The following PTPRH variants were observed in gnomAD, a reference collection of about 807,000 sequenced individuals.
PTPRH encodes the protein receptor-type tyrosine-protein phosphatase H.
A neutral mutation model predicts 130.2 loss-of-function variants in PTPRH; 113 were observed. The ratio of observed to expected loss-of-function variants is 0.87; its 90% CI spans 0.75 to 1.01. PTPRH has a LOEUF of 1.01. Among genes scored for constraint, PTPRH ranks in the 50% least tolerant of loss-of-function variants. PTPRH has a pLI of 0.00. For synonymous variants in PTPRH, 556 were observed against 577.9 expected (o/e 0.96, Z 0.54); for missense variants, 1,430 against 1,425.0 (o/e 1.00, Z -0.06).
chr19:55,198,586 C>T (rs1057292634), intron 8 of PTPRH, 57 bp downstream of exon 8: 3 of 1,486,160 alleles, frequency 2.0e-6, no homozygotes, highest in Non-Finnish European at 1.8e-6. Context: ...AAAGTCCTTT[C>T]ATCTTTTTCC....
chr19:55,187,700 C>T, intron 13 of PTPRH, 97 bp from the exon 14 acceptor site: 1 of 860,220 alleles, frequency 1.2e-6, no homozygotes, highest in Non-Finnish European at 2.0e-6. Context: ...GGCATCACCC[C>T]TTGTTTATTC....
At chr19:55,197,528 T>C in intron 8 of PTPRH, 112 bp from the exon 9 acceptor site, 1 of 1,041,134 alleles carries the variant, frequency 9.6e-7, no homozygotes, top group Non-Finnish European at 1.4e-6. Flanking sequence ...ATGGCTCCAG[T>C]GGCTAAGGAG....
rs771761724 is a variant in PTPRH, at chr19:55,200,444, T to C, written c.1212A>G (p.Leu404=). 4.3e-6 allele frequency: 7 copies of C among 1,614,102 alleles called. No homozygotes were observed. The highest frequency in any genetic ancestry group is 2.2e-5 in the South Asian group (2 of 91,074). ...ATGGGCCATCGGGGACTTCCCAGCA[T>C]AGGGCGATGGAGCTGTTGGTCTGAG... is the stretch of plus-strand genomic sequence containing the variant. ...METQTNSSIA[L]CWEVPDGPYP... Residue 404 remains leucine, a synonymous_variant, in exon 7 of 20, where the codon CTA becomes CTG. Transcript: ENST00000376350.
chr19:55,189,441 C>T (rs193217390), intron 12 of PTPRH, among the ~76,000 whole-genome samples: 1 of 152,354 alleles, frequency 6.6e-6, no homozygotes, highest in East Asian at 1.9e-4. Context: ...CCTGCTGTGG[C>T]CCCACTGACG....
At chr19:55,201,980 A>G in intron 6 of PTPRH, 76 bp downstream of exon 6, 1 of 1,575,192 alleles carries the variant, frequency 6.3e-7, no homozygotes, top group Non-Finnish European at 8.6e-7. Context: ...ACTATGGAAT[A>G]GACAATCGTC....
At position 55,204,060 on chromosome 19, in the gene PTPRH, G is replaced by A. The variant is rs373909066; in HGVS notation, c.620-12C>T. On this transcript the variant is annotated splice_polypyrimidine_tract_variant and intron_variant, in intron 4 of 19. Transcript: ENST00000376350. ...CACTGGGTTGTGAGCTGAGAAATTAGGAAGAAAGATCTAATATGAGCAGGA... is the reference window on the plus strand; with the variant it reads ...CACTGGGTTGTGAGCTGAGAAATTAAGAAGAAAGATCTAATATGAGCAGGA... 1.1e-4 allele frequency: 170 copies of A among 1,605,342 alleles called. No individual in the cohort carries two copies. In the Admixed American group the frequency reaches 1.2e-3, roughly 11 times the overall value.
chr19:55,185,060 C>A (rs1333842862), intron 18 of PTPRH, among the ~76,000 whole-genome samples: 2 of 151,396 alleles, frequency 1.3e-5, no homozygotes, highest in African/African-American at 4.9e-5. Flanking sequence ...AGTGGTGCGA[C>A]CTCAGCTCAC....
rs772132994 is a variant in PTPRH at position 55,197,117 on chromosome 19, A to G, written c.1990T>C (p.Tyr664His). 3.4e-5 allele frequency: 55 copies of G among 1,613,400 alleles called. No individual in the cohort carries two copies. In the East Asian group the frequency reaches 1.1e-3, roughly 33 times the overall value. Residue 664 changes from tyrosine (Y) to histidine (H), a missense_variant and splice_region_variant, in exon 9 of 20, where the codon TAC becomes CAC. Coordinates refer to ENST00000376350, the MANE Select transcript of PTPRH (RefSeq NM_002842.5). ...TTGAAGGCAGGAAGGGGATTCTCAC[A>G]TGTGGACGCACAGAGGCTCTGCGTG... ...SSTQSLCASTYPDTVTITSCV... is the reference protein window; with the variant it reads ...SSTQSLCASTHPDTVTITSCV...
chr19:55,181,431 T>C lies in PTPRH; in HGVS notation c.*323A>G, dbSNP rs2086168266. On this transcript the variant is annotated 3_prime_UTR_variant, in exon 20 of 20. Transcript: ENST00000376350. ...CCTTTGGTCCTCAAGTAGCCAGAACTCCAGACCCAAATTCCTTCCTGCCTC... is the reference window on the plus strand; with the variant it reads ...CCTTTGGTCCTCAAGTAGCCAGAACCCCAGACCCAAATTCCTTCCTGCCTC... 1 of 286,786 alleles carries C rather than the reference T, an allele frequency of 3.5e-6. No homozygotes were observed. Among genetic ancestry groups the C allele is most frequent in the Non-Finnish European group, 6.6e-6 (1 of 151,678 alleles). The allele number at this position is 286,786 out of a possible 1,614,324, so 17.8% of individuals were successfully genotyped here. A position where few individuals can be genotyped will look rare whatever the true frequency, so the allele number is the denominator to read the frequency against.
At chr19:55,198,500 G>C in intron 8 of PTPRH, 143 bp downstream of exon 8, 1 of 825,912 alleles carries the variant, frequency 1.2e-6, no homozygotes, top group Non-Finnish European at 1.7e-6. Context: ...CACTAGGAAC[G>C]GGACCTACAG....
intron 12 of PTPRH, among the ~76,000 whole-genome samples, chr19:55,188,406 G>A (rs571075028): frequency 6.4e-4 from 97 of 152,236 alleles, no homozygotes; most frequent in Admixed American, 1.8e-3. Flanking sequence ...CCAACTACTC[G>A]GGAGGCTGAG....
At chr19:55,207,622 C>T (rs1458848478) in intron 1 of PTPRH, among the ~76,000 whole-genome samples, 14 of 101,164 alleles carry the variant, frequency 1.4e-4, no homozygotes, top group African/African-American at 5.4e-4. Flanking sequence ...CTGGGGGTCT[C>T]GACCTCTGGT....
intron 14 of PTPRH, among the ~76,000 whole-genome samples, chr19:55,187,162 G>T (rs571286549): frequency 6.6e-6 from 1 of 150,508 alleles, no homozygotes; most frequent in Non-Finnish European, 1.5e-5. Context: ...TGGCTAACAC[G>T]GTGAAACCCT....
chr19:55,203,813 A>C lies in PTPRH; in HGVS notation c.855T>G (p.Asn285Lys). Residue 285 changes from asparagine (N) to lysine (K), a missense_variant, in exon 5 of 20, where the codon AAT becomes AAG. Coordinates refer to ENST00000376350, the MANE Select transcript of PTPRH (RefSeq NM_002842.5). ...CSVWVEKDGV[N>K]SSVEIVTSAT... is the part of the protein sequence containing the mutation. ...CACTAGTGACAATCTCCACAGAGCTATTTACTCCGTCTTTCTCCACCCACA... is the reference window on the plus strand; with the variant it reads ...CACTAGTGACAATCTCCACAGAGCTCTTTACTCCGTCTTTCTCCACCCACA... The C allele has an allele frequency of 6.2e-7, 1 of 1,613,036 alleles. No individual in the cohort carries two copies. Among genetic ancestry groups the C allele is most frequent in the Non-Finnish European group, 8.5e-7 (1 of 1,179,092 alleles).
In PTPRH at chr19:55,196,696, C is replaced by T; in HGVS notation, c.2083G>A (p.Ala695Thr). ...TGTCCTCCCACCTCCAACTCAAAGG[C>T]CTCGTAGCCTCCCTGGGGGCAGGAC... ...IWSCPQGGYE[A>T]FELEVGGQRG... The change falls in exon 10 of 20, where the codon GCC (alanine) becomes ACC (threonine). Residue 695 changes from alanine to threonine, a missense_variant. Transcript: ENST00000376350. 1.2e-6 allele frequency: 2 copies of T among 1,614,138 alleles called. No homozygotes were observed. The highest frequency in any genetic ancestry group is 2.2e-5 in the East Asian group (1 of 44,862).
Position 55,196,725 on chromosome 19 carries a change from A to T in PTPRH, c.2054T>A (p.Ile685Asn). The change falls in exon 10 of 20, where the codon ATC (isoleucine) becomes AAC (asparagine). Residue 685 changes from isoleucine to asparagine, a missense_variant. By Grantham distance (149) the Ile-to-Asn change is moderately radical (BLOSUM62 -3). Transcript: ENST00000376350. Reference protein sequence around the residue: ...STSAGYGVNLIWSCPQGGYEA... With the variant: ...STSAGYGVNLNWSCPQGGYEA... Reference sequence around the variant, plus strand: ...GTAGCCTCCCTGGGGGCAGGACCAGATCAAGTTGACTCCATAGCCCGCTGA... The same window carrying T: ...GTAGCCTCCCTGGGGGCAGGACCAGTTCAAGTTGACTCCATAGCCCGCTGA... 5 of 1,614,104 alleles carry T rather than the reference A, an allele frequency of 3.1e-6. No homozygotes were observed. The highest frequency in any genetic ancestry group is 4.2e-6 in the Non-Finnish European group (5 of 1,180,018).
In PTPRH at chr19:55,206,855, G is replaced by GT. The variant is rs2087079236; in HGVS notation, c.185dup (p.Asn62LysfsTer47). On this transcript the variant is annotated frameshift_variant, in exon 3 of 20. Coordinates refer to ENST00000376350, the MANE Select transcript of PTPRH (RefSeq NM_002842.5). LOFTEE classifies it high-confidence loss of function. ...CGTCTCCAGTACACTGAACCCAGTAGTTGGAGTTCTGTGAGTCTAGGCCAT... is the reference window on the plus strand; with the variant it reads ...CGTCTCCAGTACACTGAACCCAGTAGTTTGGAGTTCTGTGAGTCTAGGCCAT... 2 of 1,614,074 alleles carry GT rather than the reference G, an allele frequency of 1.2e-6. No homozygotes were observed.
Position 55,196,721 on chromosome 19 carries a change from CCAG to C in PTPRH, c.2055_2057del (p.Ile685_Trp686delinsMet), listed in dbSNP as rs764682074. On this transcript the variant is annotated inframe_deletion, in exon 10 of 20. Transcript: ENST00000376350. ...CCTCGTAGCCTCCCTGGGGGCAGGA[CCAG>C]ATCAAGTTGACTCCATAGCCCGCTG... is the stretch of plus-strand genomic sequence containing the variant. The C allele has an allele frequency of 2.5e-6, 4 of 1,613,978 alleles. No homozygotes were observed. The highest frequency in any genetic ancestry group is 2.5e-6 in the Non-Finnish European group (3 of 1,180,034).
Position 55,185,854 on chromosome 19 carries a change from AC to A in PTPRH, c.2901+7del. 1 of 1,614,130 alleles carries A rather than the reference AC, an allele frequency of 6.2e-7. No homozygotes were observed. ...GCTGAGGGCCAGGACGGGGCTGGACACACGCACCTGGAGGAGCAGCAGTTCC... is the reference window on the plus strand; with the variant it reads ...GCTGAGGGCCAGGACGGGGCTGGACAACGCACCTGGAGGAGCAGCAGTTCC... On this transcript the variant is annotated splice_region_variant and intron_variant, in intron 17 of 19. Transcript: ENST00000376350.
Sources: gnomAD v4.1 joint callset for allele counts (sites outside exome capture counted in the v4.1 genomes callset) on GRCh38, gnomAD v4.1.1 for gene constraint, MANE v1.5 for transcripts, NCBI Gene and HGNC (gene_info 2026-07-23, HGNC 2026-07-21) for gene names.